The following FMN2 variants were observed in gnomAD, a reference collection of about 807,000 sequenced individuals.
The protein encoded by FMN2 is formin-2.
In FMN2, 51 loss-of-function variants were observed where a neutral mutation model predicts 142.3. That is an observed-to-expected ratio of 0.36 (90% CI 0.29 to 0.45). The LOEUF (loss-of-function observed/expected upper bound fraction) is 0.45, where lower values mean the gene tolerates loss of function less well. FMN2 is among the 20% of genes least tolerant of loss of function. The probability of loss-of-function intolerance (pLI) is 1.00; values close to 1 mark genes in which losing one functional copy is unlikely to be tolerated. For missense variants in FMN2, 1,936 were observed against 2,122.8 expected (o/e 0.91, Z 1.73); for synonymous variants, 882 against 869.8 (o/e 1.01, Z -0.25).
chr1:240,311,390 C>A (rs1670599795), intron 8 of FMN2, among the ~76,000 whole-genome samples: 1 of 152,090 alleles, frequency 6.6e-6, no homozygotes. Context: ...TCATCAGTTT[C>A]TTCAAACAAA....
intron 16 of FMN2, among the ~76,000 whole-genome samples, chr1:240,440,382 CT>C (rs1675569222): frequency 6.6e-6 from 1 of 152,186 alleles, no homozygotes; most frequent in African/African-American, 2.4e-5. Context: ...AGAATTGTTT[CT>C]AGATGACATT....
intron 7 of FMN2, among the ~76,000 whole-genome samples, chr1:240,290,250 A>G (rs1051820565): frequency 9.9e-5 from 15 of 152,202 alleles, no homozygotes; most frequent in African/African-American, 3.4e-4. Context: ...TAAATTGACG[A>G]TTGGACTTCC....
intron 7 of FMN2, among the ~76,000 whole-genome samples, chr1:240,275,240 G>A (rs1669161697): frequency 6.7e-6 from 1 of 150,156 alleles, no homozygotes; most frequent in Admixed American, 6.6e-5. Flanking sequence ...CCCTCCCCTA[G>A]CCCCCCAACC....
chr1:240,252,413 G>A, intron 6 of FMN2, among the ~76,000 whole-genome samples: 1 of 152,038 alleles, frequency 6.6e-6, no homozygotes, highest in East Asian at 1.9e-4. Flanking sequence ...GCAGGTGTAG[G>A]ACTACCATAA....
chr1:240,278,415 G>T (rs375568065), intron 7 of FMN2, among the ~76,000 whole-genome samples: 16 of 152,296 alleles, frequency 1.1e-4, no homozygotes, highest in East Asian at 5.8e-4. Flanking sequence ...GAAGTCTGGG[G>T]AGTTAACTTT....
At chr1:240,272,040 G>C (rs1481640596) in intron 7 of FMN2, among the ~76,000 whole-genome samples, 1 of 152,070 alleles carries the variant, frequency 6.6e-6, no homozygotes, top group African/African-American at 2.4e-5. Flanking sequence ...TTTGCATATG[G>C]TTATTCTTTT....
In FMN2 at chr1:240,207,227, G is replaced by A. The variant is rs573502442; in HGVS notation, c.2415G>A (p.Gln805=). 1.2e-6 allele frequency: 2 copies of A among 1,613,880 alleles called. No individual in the cohort carries two copies. Among genetic ancestry groups the A allele is most frequent in the African/African-American group, 2.7e-5 (2 of 74,858 alleles). The part of the protein sequence containing the change: ...SVQLDSHQPT[Q]SISQPPPPPS... Reference sequence around the variant, plus strand: ...AGCTCGACAGCCATCAGCCCACACAGAGCATCTCACAGCCTCCACCACCTC... The same window carrying A: ...AGCTCGACAGCCATCAGCCCACACAAAGCATCTCACAGCCTCCACCACCTC... Residue 805 remains glutamine (Q), a synonymous_variant, in exon 5 of 18, where the codon CAG becomes CAA. Transcript: ENST00000319653.
chr1:240,359,542 GTC>G lies in FMN2; in HGVS notation c.4858+3636_4858+3637del, dbSNP rs144751364. Reference sequence around the variant, plus strand: ...GTGGTCTGTGGTCCACACTCTAAGAGTCTTACGGAATTCATCTAGCCCTGCAA... The same window carrying G: ...GTGGTCTGTGGTCCACACTCTAAGAGTTACGGAATTCATCTAGCCCTGCAA... On this transcript the variant is annotated intron_variant, in intron 14 of 17. Transcript: ENST00000319653. 2.2e-3 allele frequency among the ~76,000 whole-genome samples: 335 copies of G among 152,224 alleles called. 4 individuals carry two copies. In the East Asian group the frequency reaches 0.032, roughly 15 times the overall value.
intron 15 of FMN2, among the ~76,000 whole-genome samples, chr1:240,413,555 T>C (rs560502530): frequency 6.6e-6 from 1 of 152,140 alleles, no homozygotes; most frequent in Non-Finnish European, 1.5e-5. Flanking sequence ...ACATTTACAC[T>C]GAGAGAAGGG....
At chr1:240,406,142 G>A (rs12071231) in intron 15 of FMN2, among the ~76,000 whole-genome samples, 12 of 46,884 alleles carry the variant, frequency 2.6e-4, no homozygotes, top group African/African-American at 5.0e-4. Context: ...GGAGTGGGGG[G>A]AGCGAAGGGA....
chr1:240,424,302 C>T (rs1466210021), intron 15 of FMN2, among the ~76,000 whole-genome samples: 2 of 152,096 alleles, frequency 1.3e-5, no homozygotes, highest in African/African-American at 4.8e-5. Context: ...ATGAGAAATT[C>T]TCTTGGCAGT....
chr1:240,241,168 T>A (rs1240947289), intron 6 of FMN2, among the ~76,000 whole-genome samples: 1 of 151,878 alleles, frequency 6.6e-6, no homozygotes, highest in African/African-American at 2.4e-5. Context: ...ATATACCTAA[T>A]GCCATTTTGT....
intron 16 of FMN2, among the ~76,000 whole-genome samples, chr1:240,466,058 C>G (rs889377004): frequency 6.6e-6 from 1 of 151,974 alleles, no homozygotes; most frequent in African/African-American, 2.4e-5. Context: ...TTAAAATAAC[C>G]CTTAATGTAA....
At chr1:240,454,599 T>C (rs1160743601) in intron 16 of FMN2, among the ~76,000 whole-genome samples, 1 of 152,174 alleles carries the variant, frequency 6.6e-6, no homozygotes, top group Non-Finnish European at 1.5e-5. Context: ...ATCTCCTATT[T>C]ATAGTAGTGT....
chr1:240,149,543 T>C (rs1413714212), intron 2 of FMN2, among the ~76,000 whole-genome samples: 2 of 152,244 alleles, frequency 1.3e-5, no homozygotes, highest in African/African-American at 4.8e-5. Context: ...CATTTCTTTT[T>C]GGCATGTTTC....
In FMN2 at chr1:240,392,404, T is replaced by C. The variant is rs1322050880; in HGVS notation, c.4859-107T>C. On this transcript the variant is annotated intron_variant, in intron 14 of 17. Transcript: ENST00000319653. The stretch of plus-strand genomic sequence containing the variant: ...AAATAAGCTTCTGGTTGTAGTACAA[T>C]AGAATTAATAATTAAAATAAGTTAC... 3 of 788,824 alleles carry C rather than the reference T, an allele frequency of 3.8e-6. No homozygotes were observed. The African/African-American group carries it at 5.2e-5, about 14-fold the overall frequency. 48.9% of individuals were successfully genotyped at this position (788,824 alleles called of 1,614,324 possible). A position where few individuals can be genotyped will look rare whatever the true frequency, so the allele number is the denominator to read the frequency against.
chr1:240,323,211 C>T (rs1407876418), intron 8 of FMN2, among the ~76,000 whole-genome samples: 1 of 150,054 alleles, frequency 6.7e-6, no homozygotes, highest in African/African-American at 2.5e-5. Flanking sequence ...CTCTCTCACA[C>T]TCTCACTCTC....
At chr1:240,181,866 T>C (rs1321679831) in intron 3 of FMN2, among the ~76,000 whole-genome samples, 2 of 152,194 alleles carry the variant, frequency 1.3e-5, no homozygotes, top group Non-Finnish European at 1.5e-5. Flanking sequence ...CACCCATCCA[T>C]GGCTGTTTCC....
At chr1:240,218,514 C>T (rs1009220455) in intron 6 of FMN2, among the ~76,000 whole-genome samples, 2 of 151,692 alleles carry the variant, frequency 1.3e-5, no homozygotes, top group African/African-American at 4.8e-5. Context: ...GCCTGTGATA[C>T]CCACTGCCCT....
Sources: gnomAD v4.1 joint callset for allele counts (sites outside exome capture counted in the v4.1 genomes callset) on GRCh38, gnomAD v4.1.1 for gene constraint, MANE v1.5 for transcripts, NCBI Gene and HGNC (gene_info 2026-07-23, HGNC 2026-07-21) for gene names.